Variants in PRMT8 observed in about 807,000 individuals in gnomAD.
PRMT8 encodes protein arginine N-methyltransferase 8.
In PRMT8, 7 loss-of-function variants were observed where a neutral mutation model predicts 47.1. The observed-to-expected ratio is 0.15, with a 90% CI of 0.08 to 0.28. The LOEUF (loss-of-function observed/expected upper bound fraction) is 0.28, where lower values mean the gene tolerates loss of function less well. PRMT8 is among the 10% of genes least tolerant of loss of function. PRMT8 has a pLI of 1.00. For missense variants in PRMT8, 237 were observed against 505.4 expected, an observed-to-expected ratio of 0.47 and a Z score of 5.09; for synonymous variants, 188 against 186.5, an observed-to-expected ratio of 1.01 and a Z score of -0.07.
chr12:3,540,449 T>A (rs1408118514), intron 1 of PRMT8, among the ~76,000 whole-genome samples, 157 bp from the exon 2 acceptor site: 1 of 152,134 alleles, frequency 6.6e-6, no homozygotes, highest in Admixed American at 6.5e-5. Context: ...GCCCAACTGC[T>A]GGGAGCTGGA....
intron 1 of PRMT8, among the ~76,000 whole-genome samples, chr12:3,484,760 C>T (rs1473384291): frequency 2.6e-5 from 4 of 152,368 alleles, no homozygotes; most frequent in Non-Finnish European, 5.9e-5. Flanking sequence ...CACTTTGAAG[C>T]ACGCTTTGAT....
At chr12:3,448,899 C>T (rs1446573747) in intron 1 of PRMT8, among the ~76,000 whole-genome samples, 1 of 151,956 alleles carries the variant, frequency 6.6e-6, no homozygotes, top group Non-Finnish European at 1.5e-5. Context: ...CTCCTTGCAC[C>T]CCCATAGGCC....
chr12:3,592,699 C>T (rs747671061), intron 9 of PRMT8, among the ~76,000 whole-genome samples: 23 of 152,096 alleles, frequency 1.5e-4, no homozygotes, highest in Non-Finnish European at 2.6e-4. Flanking sequence ...GGATGTTTGG[C>T]GTGCATTTCT....
At chr12:3,592,543 C>A (rs1565452310) in intron 9 of PRMT8, among the ~76,000 whole-genome samples, 191 bp downstream of exon 9, 1 of 152,102 alleles carries the variant, frequency 6.6e-6, no homozygotes, top group African/African-American at 2.4e-5. Flanking sequence ...CAAAACTCCG[C>A]AAATAGAGGT....
chr12:3,523,543 T>G (rs940249771), intron 1 of PRMT8, among the ~76,000 whole-genome samples: 3 of 152,178 alleles, frequency 2.0e-5, no homozygotes, highest in Non-Finnish European at 4.4e-5. Flanking sequence ...TTAAAATAAC[T>G]AACTTAAGGC....
chr12:3,543,767 A>G (rs7969375), intron 2 of PRMT8, among the ~76,000 whole-genome samples: 150,024 of 152,296 alleles, frequency 0.99, 73,943 homozygotes, highest in East Asian at 1. Flanking sequence ...GGAAGACCCT[A>G]GCCTTCCAAT....
At chr12:3,486,031 G>C (rs1335409534) in intron 1 of PRMT8, among the ~76,000 whole-genome samples, 3 of 152,226 alleles carry the variant, frequency 2.0e-5, no homozygotes, top group South Asian at 4.1e-4. Context: ...TGCTAAGGCA[G>C]ATGACAATGT....
chr12:3,457,011 G>A (rs905582869), intron 1 of PRMT8, among the ~76,000 whole-genome samples: 37 of 152,220 alleles, frequency 2.4e-4, no homozygotes, highest in African/African-American at 7.5e-4. Context: ...GAGTTCCAGC[G>A]CCACCACTGG....
chr12:3,423,927 AT>A (rs1864572692), intron 1 of PRMT8, among the ~76,000 whole-genome samples: 1 of 152,064 alleles, frequency 6.6e-6, no homozygotes, highest in Non-Finnish European at 1.5e-5. Flanking sequence ...TATTAGGGTG[AT>A]TTTTTTGAGC....
At position 3,497,212 on chromosome 12, in the gene PRMT8, C is replaced by A. The variant is rs1379449639; in HGVS notation, c.75+5512C>A. 1.3e-5 allele frequency among the ~76,000 whole-genome samples: 2 copies of A among 152,164 alleles called. 1 individual carries two copies. On this transcript the variant is annotated intron_variant, in intron 1 of 9. Transcript: ENST00000382622. ...GAAAGCAGCCTCTGTGTGTGAGAAGCAAGCAGGTGGTGCTGTTGTGAACTG... is the reference window on the plus strand; with the variant it reads ...GAAAGCAGCCTCTGTGTGTGAGAAGAAAGCAGGTGGTGCTGTTGTGAACTG...
At chr12:3,443,229 G>A (rs1864821762) in intron 1 of PRMT8, among the ~76,000 whole-genome samples, 1 of 152,156 alleles carries the variant, frequency 6.6e-6, no homozygotes, top group Non-Finnish European at 1.5e-5. Context: ...CAGTGAAAAA[G>A]CCACAGTTCC....
At chr12:3,390,358 A>G (rs555217732) in intron 1 of PRMT8, among the ~76,000 whole-genome samples, 1 of 152,358 alleles carries the variant, frequency 6.6e-6, no homozygotes, top group Admixed American at 6.5e-5. Flanking sequence ...GACCGATGGC[A>G]CAATTCAGGC....
At chr12:3,421,193 T>C (rs916609850) in intron 1 of PRMT8, among the ~76,000 whole-genome samples, 3 of 152,240 alleles carry the variant, frequency 2.0e-5, no homozygotes, top group Non-Finnish European at 4.4e-5. Flanking sequence ...ATCGTTAGCA[T>C]CGAGGAGCAG....
At chr12:3,465,273 AAAT>A (rs1461303394) in intron 1 of PRMT8, among the ~76,000 whole-genome samples, 2 of 27,210 alleles carry the variant, frequency 7.4e-5, no homozygotes, top group East Asian at 0.016. Context: ...ATATTTATAA[AAAT>A]AAAAAATATA....
At chr12:3,548,445 G>T (rs777190070) in intron 2 of PRMT8, among the ~76,000 whole-genome samples, 2 of 152,178 alleles carry the variant, frequency 1.3e-5, no homozygotes, top group Non-Finnish European at 2.9e-5. Flanking sequence ...TCTGATGAAG[G>T]ACTAGCTTCC....
chr12:3,423,332 TCAAGGCTCTG>T (rs1864564568), intron 1 of PRMT8, among the ~76,000 whole-genome samples: 1 of 152,198 alleles, frequency 6.6e-6, no homozygotes, highest in African/African-American at 2.4e-5. Context: ...GCCAGAATGG[TCAAGGCTCTG>T]CCGGTTTTAT....
At chr12:3,519,106 T>C (rs112908155) in intron 1 of PRMT8, among the ~76,000 whole-genome samples, 4 of 152,200 alleles carry the variant, frequency 2.6e-5, no homozygotes, top group African/African-American at 9.6e-5. Context: ...TCTTTGTCAT[T>C]TTGGCAGAAC....
rs933235206 is a variant in PRMT8, at chr12:3,569,419, T to C, written c.625-58T>C. 12 of 1,410,656 alleles carry C rather than the reference T, an allele frequency of 8.5e-6. No homozygotes were observed. The highest frequency in any genetic ancestry group is 1.2e-5 in the Non-Finnish European group (12 of 994,446). The allele number at this position is 1,410,656 out of a possible 1,614,324, so 87.4% of individuals were successfully genotyped here. A position where few individuals can be genotyped will look rare whatever the true frequency, so the allele number is the denominator to read the frequency against. ...GTGACTCTATGTGCAGTTCAAAATGTGATGTCTTTGTCAGGTGAATAGATT... is the reference window on the plus strand; with the variant it reads ...GTGACTCTATGTGCAGTTCAAAATGCGATGTCTTTGTCAGGTGAATAGATT... On this transcript the variant is annotated intron_variant, in intron 5 of 9. Coordinates refer to ENST00000382622, the MANE Select transcript of PRMT8 (RefSeq NM_019854.5). This position sits in a 1 kb window ranked among gnomAD's most constrained non-coding sequence, Gnocchi z 8.2.
At position 3,550,518 on chromosome 12, in the gene PRMT8, G is replaced by A. The variant is rs1286315462; in HGVS notation, c.417+427G>A. 1 of 185,558 alleles carries A rather than the reference G, an allele frequency of 5.4e-6. No individual in the cohort carries two copies. The highest frequency in any genetic ancestry group is 1.1e-4 in the East Asian group (1 of 8,704). The allele number at this position is 185,558 out of a possible 1,614,324, so 11.5% of individuals were successfully genotyped here. ...CTCCATCTATAAAATGAGCTTAATA[G>A]CAGTCCCTTGCCCATAGGGTGATTG... is the stretch of plus-strand genomic sequence containing the variant. On this transcript the variant is annotated intron_variant, in intron 3 of 9. Coordinates refer to ENST00000382622, the MANE Select transcript of PRMT8 (RefSeq NM_019854.5). The surrounding 1 kb of genome is among the most constrained non-coding windows in gnomAD (Gnocchi z 5.1).
Sources: allele counts gnomAD v4.1 joint callset (sites outside exome capture counted in the v4.1 genomes callset), GRCh38; gene constraint gnomAD v4.1.1; non-coding constraint Gnocchi (gnomAD v3.1); transcripts MANE v1.5; gene names NCBI Gene and HGNC (gene_info 2026-07-23, HGNC 2026-07-21).